The following MTMR3 variants were observed in gnomAD, a reference collection of about 807,000 sequenced individuals.
The protein encoded by MTMR3 is myotubularin related protein 3.
Under a neutral mutation model 132.4 loss-of-function variants are expected in MTMR3, and 32 were observed. That is an observed-to-expected ratio of 0.24 (90% CI 0.18 to 0.32). The LOEUF (loss-of-function observed/expected upper bound fraction) is 0.32, where lower values mean the gene tolerates loss of function less well. MTMR3 is among the 10% of genes least tolerant of loss of function. The pLI is 1.00. For synonymous variants in MTMR3, 556 were observed against 550.3 expected (o/e 1.01, Z -0.14); for missense variants, 1,216 against 1,489.6 (o/e 0.82, Z 3.02).
rs1452840488 is a variant in MTMR3 at position 30,007,183 on chromosome 22, T to G, written c.741T>G (p.Asn247Lys). The change falls in exon 10 of 20, where the codon AAT becomes AAG. Residue 247 changes from asparagine to lysine, a missense_variant. Transcript: ENST00000401950. ...QPEVSWWGWR[N>K]ADDEHLVQSV... ...AGGTTAGCTGGTGGGGCTGGCGAAA[T>G]GCAGATGATGAGCATCTGGTACAGT... 6.2e-7 allele frequency: 1 copy of G among 1,614,130 alleles called. No homozygotes were observed. The highest frequency in any genetic ancestry group is 8.5e-7 in the Non-Finnish European group (1 of 1,180,016).
intron 1 of MTMR3, among the ~76,000 whole-genome samples, chr22:29,912,015 AAG>A (rs1227181088): frequency 1.3e-5 from 2 of 152,296 alleles, no homozygotes; most frequent in Non-Finnish European, 2.9e-5. Context: ...AAGGGTCAGA[AAG>A]AGAGGGGAGA....
chr22:29,943,433 G>A (rs1331252740), intron 1 of MTMR3, among the ~76,000 whole-genome samples: 2 of 151,980 alleles, frequency 1.3e-5, no homozygotes, highest in African/African-American at 2.4e-5. Context: ...CTCGTGATCC[G>A]CCCGTCTCGG....
chr22:29,886,577 C>T (rs753167925), intron 1 of MTMR3, among the ~76,000 whole-genome samples: 3 of 152,140 alleles, frequency 2.0e-5, no homozygotes, highest in Non-Finnish European at 2.9e-5. Flanking sequence ...CAAGTAGTTT[C>T]TCTAGCCTGA....
In MTMR3 at chr22:30,027,453, G is replaced by C. The variant is rs1011720955; in HGVS notation, c.*1652G>C. ...CATCTGAGCACGTCTCTGACTTCCA[G>C]TGGCAACACAGTTTGAACGTGGTGA... On this transcript the variant is annotated 3_prime_UTR_variant, in exon 20 of 20. Transcript: ENST00000401950. 1 of 152,824 alleles carries C rather than the reference G, an allele frequency of 6.5e-6. No homozygotes were observed. Among genetic ancestry groups the C allele is most frequent in the African/African-American group, 2.4e-5 (1 of 41,462 alleles). The allele number at this position is 152,824 out of a possible 1,614,324, so 9.5% of individuals were successfully genotyped here.
At chr22:29,988,189 T>C in intron 5 of MTMR3, 1 of 214,630 alleles carries the variant, frequency 4.7e-6, no homozygotes, top group Non-Finnish European at 9.4e-6. Flanking sequence ...TACTCTGATC[T>C]TGTGAATTCG....
chr22:30,022,463 C>T, intron 18 of MTMR3, 146 bp from the exon 19 acceptor site: 1 of 707,664 alleles, frequency 1.4e-6, no homozygotes, highest in Non-Finnish European at 2.5e-6. Context: ...GGACGCCTTT[C>T]TTGTACTGTT....
intron 1 of MTMR3, among the ~76,000 whole-genome samples, chr22:29,918,232 T>C (rs972595365): frequency 6.6e-6 from 1 of 152,232 alleles, no homozygotes; most frequent in Admixed American, 6.5e-5. Context: ...TTTAGAACTT[T>C]CTTTAGAGGT....
intron 1 of MTMR3, among the ~76,000 whole-genome samples, chr22:29,888,803 T>C (rs1459830552): frequency 2.1e-5 from 3 of 142,272 alleles, no homozygotes; most frequent in Non-Finnish European, 4.5e-5. Context: ...AGACAGAGTC[T>C]CGCTCTGTTG....
At chr22:29,928,256 C>T (rs2065565312) in intron 1 of MTMR3, among the ~76,000 whole-genome samples, 1 of 151,214 alleles carries the variant, frequency 6.6e-6, no homozygotes, top group African/African-American at 2.4e-5. Flanking sequence ...GTCACTGCCG[C>T]CTCCGCCTCC....
chr22:30,014,502 C>CTTTTTTTTTTTTTTTTTTTTT (rs56934428), intron 14 of MTMR3: 1 of 78,792 alleles, frequency 1.3e-5, no homozygotes, highest in Non-Finnish European at 2.5e-5. Context: ...CCCTCCAGTT[C>CTTTTTTTTTTTTTTTTTTTTT]TTTTTTTTTT....
intron 2 of MTMR3, among the ~76,000 whole-genome samples, chr22:29,970,066 C>T (rs913568615): frequency 2.6e-5 from 4 of 152,206 alleles, no homozygotes; most frequent in Non-Finnish European, 4.4e-5. Flanking sequence ...GAGCAACTTA[C>T]TTACTCTTTG....
chr22:30,018,167 C>G (rs943976147), intron 16 of MTMR3, 95 bp downstream of exon 16: 2 of 1,327,692 alleles, frequency 1.5e-6, no homozygotes, highest in Admixed American at 3.2e-5. Flanking sequence ...ATGATGGTAT[C>G]TGGCTCCACA....
chr22:29,886,676 A>G (rs1247259783), intron 1 of MTMR3, among the ~76,000 whole-genome samples: 1 of 152,200 alleles, frequency 6.6e-6, no homozygotes, highest in Non-Finnish European at 1.5e-5. Context: ...AAGAAACAAG[A>G]TTCTGTGTTG....
chr22:29,954,797 A>G (rs2066156084), intron 1 of MTMR3, among the ~76,000 whole-genome samples: 1 of 152,082 alleles, frequency 6.6e-6, no homozygotes, highest in African/African-American at 2.4e-5. Context: ...TTCTCCCCCA[A>G]TTTACCTGTT....
In MTMR3 at chr22:29,949,126, CACACACACACACA is replaced by C. The variant is rs1569019524; in HGVS notation, c.-137-7909_-137-7897del. 3.7e-4 allele frequency among the ~76,000 whole-genome samples: 15 copies of C among 40,132 alleles called. 2 individuals are homozygous for C. Among genetic ancestry groups the C allele is most frequent in the African/African-American group, 1.5e-3 (13 of 8,426 alleles). 26.3% of individuals were successfully genotyped at this position (40,132 alleles called of 152,430 possible). A position where few individuals can be genotyped will look rare whatever the true frequency, so the allele number is the denominator to read the frequency against. ...ACACACACACACACACACACACACACACACACACACACACACACCCCCCCCCCCCCCCCCGAGG... is the reference window on the plus strand; with the variant it reads ...ACACACACACACACACACACACACACCACACCCCCCCCCCCCCCCCCGAGG... On this transcript the variant is annotated intron_variant, in intron 1 of 19. Transcript: ENST00000401950.
chr22:29,963,392 CTT>C (rs1204239353), intron 2 of MTMR3, among the ~76,000 whole-genome samples: 16 of 135,000 alleles, frequency 1.2e-4, no homozygotes, highest in Admixed American at 4.5e-4. Context: ...CACTTAATTC[CTT>C]TTTTTTTTTT....
At chr22:29,942,690 C>T (rs1231932954) in intron 1 of MTMR3, among the ~76,000 whole-genome samples, 1 of 152,220 alleles carries the variant, frequency 6.6e-6, no homozygotes, top group Non-Finnish European at 1.5e-5. Flanking sequence ...AAAAAGAATT[C>T]AGCGATATTT....
Position 29,991,737 on chromosome 22 carries a change from C to T in MTMR3, c.460+67C>T, listed in dbSNP as rs1356995207. 14 of 1,458,142 alleles carry T rather than the reference C, an allele frequency of 9.6e-6. No homozygotes were observed. The South Asian group carries it at 9.8e-5, about 10-fold the overall frequency. The allele number at this position is 1,458,142 out of a possible 1,614,324, so 90.3% of individuals were successfully genotyped here. On this transcript the variant is annotated intron_variant, in intron 7 of 19. Coordinates refer to ENST00000401950, the MANE Select transcript of MTMR3 (RefSeq NM_021090.4). ...AAGCTACTGATGGAGGTACTTTTAA[C>T]ATGAAATGGGACACCTAAGCATTCA...
At chr22:29,963,444 CA>C (rs1157203069) in intron 2 of MTMR3, among the ~76,000 whole-genome samples, 1 of 143,938 alleles carries the variant, frequency 6.9e-6, no homozygotes, top group Non-Finnish European at 1.5e-5. Flanking sequence ...GGCTGGAGGG[CA>C]ATGGTGCGAT....
Sources: allele counts gnomAD v4.1 joint callset (sites outside exome capture counted in the v4.1 genomes callset), GRCh38; gene constraint gnomAD v4.1.1; transcripts MANE v1.5; gene names NCBI Gene and HGNC (gene_info 2026-07-23, HGNC 2026-07-21).